The following HCLS1 variants were observed in gnomAD, a reference collection of about 807,000 sequenced individuals.
HCLS1 encodes hematopoietic lineage cell-specific protein.
In HCLS1, 44 loss-of-function variants were observed where a neutral mutation model predicts 68.6. The observed-to-expected ratio is 0.64, with a 90% CI of 0.50 to 0.82. The LOEUF (loss-of-function observed/expected upper bound fraction) is 0.82. Ranked by LOEUF, HCLS1 falls within the 40% of genes least tolerant of loss-of-function variation. The pLI is 0.00. For synonymous variants in HCLS1, 217 were observed against 225.8 expected, an observed-to-expected ratio of 0.96 and a Z score of 0.35; for missense variants, 602 against 612.1, an observed-to-expected ratio of 0.98 and a Z score of 0.17.
At chr3:121,636,144 G>A (rs1031714660) in intron 8 of HCLS1, among the ~76,000 whole-genome samples, 5 of 152,144 alleles carry the variant, frequency 3.3e-5, no homozygotes, top group African/African-American at 9.7e-5. Flanking sequence ...TTAAGATTGG[G>A]TTAAGCAATG....
chr3:121,656,222 T>C (rs781526507), intron 3 of HCLS1: 2 of 152,192 alleles, frequency 1.3e-5, no homozygotes, highest in African/African-American at 2.4e-5. Flanking sequence ...GCTTTCACAG[T>C]ATGTTGCTTG....
intron 9 of HCLS1, 34 bp from the exon 10 acceptor site, chr3:121,634,452 T>C (rs1171248965): frequency 1.2e-6 from 2 of 1,606,400 alleles, no homozygotes; most frequent in Admixed American, 1.7e-5. Flanking sequence ...TAGGGTTGTC[T>C]TGGATTGGAG....
intron 6 of HCLS1, among the ~76,000 whole-genome samples, chr3:121,640,061 CAG>C (rs1215312172): frequency 6.6e-6 from 1 of 151,902 alleles, no homozygotes; most frequent in Non-Finnish European, 1.5e-5. Context: ...TAAGTAAGAT[CAG>C]AAATGAAAAT....
intron 4 of HCLS1, among the ~76,000 whole-genome samples, chr3:121,646,859 T>C (rs1937615665): frequency 7.0e-6 from 1 of 143,860 alleles, no homozygotes; most frequent in African/African-American, 2.5e-5. Context: ...CAATTATATA[T>C]ACTTATATAT....
intron 6 of HCLS1, among the ~76,000 whole-genome samples, chr3:121,641,351 C>G (rs1293440512): frequency 1.3e-5 from 2 of 152,110 alleles, no homozygotes; most frequent in African/African-American, 2.4e-5. Context: ...AGACATTTTT[C>G]AAAGACTGAA....
At chr3:121,633,193 T>C in intron 10 of HCLS1, 22 bp from the exon 11 acceptor site, 2 of 1,470,432 alleles carry the variant, frequency 1.4e-6, no homozygotes, top group Non-Finnish European at 1.9e-6. Context: ...GAAGCATCTC[T>C]CAAGTAAGCA....
chr3:121,650,390 G>A (rs62268731), intron 3 of HCLS1, among the ~76,000 whole-genome samples: 1 of 150,970 alleles, frequency 6.6e-6, no homozygotes, highest in South Asian at 2.1e-4. Flanking sequence ...TTTTTTTAAG[G>A]AGAGCAAAGT....
At chr3:121,656,569 T>TTTTG (rs35077759) in intron 3 of HCLS1, among the ~76,000 whole-genome samples, 33,589 of 151,602 alleles carry the variant, frequency 0.22, 3,851 homozygotes, top group South Asian at 0.3. Flanking sequence ...TATCGGAGGG[T>TTTTG]TTTGTTTGTT....
Position 121,631,932 on chromosome 3 carries a change from C to T in HCLS1, c.1375G>A (p.Glu459Lys). Residue 459 changes from glutamate to lysine, a missense_variant, in exon 14 of 14, where the codon GAG becomes AAG. Glu to Lys is a moderately conservative substitution (Grantham distance 56). Coordinates refer to ENST00000314583, the MANE Select transcript of HCLS1 (RefSeq NM_005335.6). ...FDPDDVITDIEMVDEGWWRGR... is the reference protein window; with the variant it reads ...FDPDDVITDIKMVDEGWWRGR... ...CGCCACCAGCCCTCGTCCACCATCT[C>T]AATGTCAGTGATTACGTCGTCCGGA... The T allele has an allele frequency of 1.9e-6, 3 of 1,614,232 alleles. No individual in the cohort carries two copies. Among genetic ancestry groups the T allele is most frequent in the Non-Finnish European group, 2.5e-6 (3 of 1,180,040 alleles).
chr3:121,654,187 A>C (rs1221693275), intron 3 of HCLS1: 4 of 152,190 alleles, frequency 2.6e-5, no homozygotes, highest in African/African-American at 4.8e-5. Context: ...TTCAGCGTGG[A>C]GACCCAATCA....
chr3:121,647,472 G>A, intron 3 of HCLS1, 24 bp from the exon 4 acceptor site: 1 of 1,613,470 alleles, frequency 6.2e-7, no homozygotes, highest in Non-Finnish European at 8.5e-7. Context: ...CATGACCAAG[G>A]CTCATCTATC....
intron 7 of HCLS1, 149 bp from the exon 8 acceptor site, chr3:121,636,638 G>A: frequency 1.5e-6 from 1 of 661,678 alleles, no homozygotes; most frequent in Non-Finnish European, 2.7e-6. Flanking sequence ...TGGATGGGAA[G>A]AGAGGGAAAC....
intron 6 of HCLS1, among the ~76,000 whole-genome samples, chr3:121,642,114 A>G (rs1352155858): frequency 6.7e-6 from 1 of 148,528 alleles, no homozygotes; most frequent in South Asian, 2.1e-4. Context: ...TCAATATTAT[A>G]GAAAGCGATC....
chr3:121,638,301 GACCC>G (rs1009779862), intron 6 of HCLS1, among the ~76,000 whole-genome samples: 1 of 152,036 alleles, frequency 6.6e-6, no homozygotes, highest in Non-Finnish European at 1.5e-5. Context: ...GGGCTCAAAG[GACCC>G]ACCCACCTCA....
Position 121,644,821 on chromosome 3 carries a change from GTCTGCCCTGTCCCTC to G in HCLS1, c.381_395del (p.Glu127_Ala131del). 6.2e-7 allele frequency: 1 copy of G among 1,609,172 alleles called. No homozygotes were observed. The highest frequency in any genetic ancestry group is 1.1e-5 in the South Asian group (1 of 90,988). ...GGGAGAGAGAGTGGTCACTTACCTT[GTCTGCCCTGTCCCTC>G]TCAACTCCGTACTTGCCCCCAAAGC... is the stretch of plus-strand genomic sequence containing the variant. On this transcript the variant is annotated inframe_deletion, in exon 5 of 14. Transcript: ENST00000314583.
intron 4 of HCLS1, among the ~76,000 whole-genome samples, chr3:121,646,635 ATATAT>A (rs1054729198): frequency 3.4e-4 from 40 of 116,730 alleles, no homozygotes; most frequent in African/African-American, 1.2e-3. Flanking sequence ...TATTATAAGT[ATATAT>A]TATATTATAT....
intron 6 of HCLS1, among the ~76,000 whole-genome samples, chr3:121,641,790 T>TG (rs150134739): frequency 0.012 from 1,825 of 152,160 alleles, 38 homozygotes; most frequent in African/African-American, 0.041. Context: ...TTCAAAAACT[T>TG]GATCAATATG....
chr3:121,646,392 CT>C (rs1560141777), intron 4 of HCLS1, among the ~76,000 whole-genome samples: 43 of 49,422 alleles, frequency 8.7e-4, no homozygotes, highest in Middle Eastern at 0.031. Flanking sequence ...TAATATATTA[CT>C]ATGTAATATA....
At chr3:121,656,724 T>C (rs900598512) in intron 3 of HCLS1, among the ~76,000 whole-genome samples, 1 of 152,232 alleles carries the variant, frequency 6.6e-6, no homozygotes, top group Admixed American at 6.5e-5. Flanking sequence ...GTCAAATAGC[T>C]AAGTACAAAT....
Sources: allele counts gnomAD v4.1 joint callset (sites outside exome capture counted in the v4.1 genomes callset), GRCh38; gene constraint gnomAD v4.1.1; transcripts MANE v1.5; gene names NCBI Gene and HGNC (gene_info 2026-07-23, HGNC 2026-07-21).